USP12: variants seen among roughly 807,000 people sequenced by gnomAD.
USP12 encodes ubiquitin carboxyl-terminal hydrolase 12.
In USP12, 19 loss-of-function variants were observed where a neutral mutation model predicts 45.5. The observed-to-expected ratio is 0.42, with a 90% CI of 0.29 to 0.61. The LOEUF (loss-of-function observed/expected upper bound fraction) is 0.61, where lower values mean the gene tolerates loss of function less well. Among genes scored for constraint, USP12 ranks in the 20% least tolerant of loss-of-function variants. The probability of loss-of-function intolerance (pLI) is 0.22; values close to 1 mark genes in which losing one functional copy is unlikely to be tolerated. For missense variants in USP12, 242 were observed against 447.7 expected (o/e 0.54, Z 4.15); for synonymous variants, 149 against 148.8 (o/e 1.00, Z -0.01).
rs71083629 is a variant in USP12, at chr13:27,094,183, TA to T, written c.573+1417del. Reference sequence around the variant, plus strand: ...ACTGCCTACTAATTGCAAGGGGATTTAAAAAAAAAAAAAAAAGTCATCATAA... The same window carrying T: ...ACTGCCTACTAATTGCAAGGGGATTTAAAAAAAAAAAAAAAGTCATCATAA... On this transcript the variant is annotated intron_variant, in intron 4 of 8. Coordinates refer to ENST00000282344, the MANE Select transcript of USP12 (RefSeq NM_182488.4). Among the ~76,000 whole-genome samples the T allele has an allele frequency of 6.6e-3, 937 of 141,992 alleles. 7 individuals are homozygous for T. The highest frequency in any genetic ancestry group is 0.021 in the African/African-American group (823 of 38,416). 93.2% of individuals were successfully genotyped at this position (141,992 alleles called of 152,430 possible).
Position 27,076,029 on chromosome 13 carries a change from C to CAAAAAAAAAAAAAAAAAA in USP12, c.735-659_735-642dup, listed in dbSNP as rs11458818. Among the ~76,000 whole-genome samples, 396 of 97,872 alleles carry CAAAAAAAAAAAAAAAAAA rather than the reference C, an allele frequency of 4.0e-3. 8 individuals are homozygous for CAAAAAAAAAAAAAAAAAA. The highest frequency in any genetic ancestry group is 5.9e-3 in the Non-Finnish European group (289 of 49,218). 64.2% of individuals were successfully genotyped at this position (97,872 alleles called of 152,430 possible). A position where few individuals can be genotyped will look rare whatever the true frequency, so the allele number is the denominator to read the frequency against. On this transcript the variant is annotated intron_variant, in intron 6 of 8. Transcript: ENST00000282344. ...TGGGTGACAGAGCAAGGCTCCGTCT[C>CAAAAAAAAAAAAAAAAAA]AAAAAAAAAAAAAAAAAAGAGTGGT...
chr13:27,084,692 T>C (rs1046837251), intron 6 of USP12, among the ~76,000 whole-genome samples: 1 of 152,160 alleles, frequency 6.6e-6, no homozygotes, highest in African/African-American at 2.4e-5. Flanking sequence ...TTGATGAAGA[T>C]CAGTTGCCTG....
intron 3 of USP12, among the ~76,000 whole-genome samples, chr13:27,101,700 C>T (rs553854760): frequency 6.6e-6 from 1 of 152,316 alleles, no homozygotes; most frequent in East Asian, 1.9e-4. Context: ...ATGTTCTCCT[C>T]ATAATTCAGA....
chr13:27,069,476 G>A, intron 8 of USP12, 92 bp from the exon 9 acceptor site: 2 of 965,606 alleles, frequency 2.1e-6, no homozygotes, highest in South Asian at 2.8e-5. Flanking sequence ...CAAGTATTTG[G>A]TGAAAATGTG....
chr13:27,089,763 G>A, intron 6 of USP12, 120 bp downstream of exon 6: 2 of 875,960 alleles, frequency 2.3e-6, no homozygotes, highest in African/African-American at 1.7e-5. Flanking sequence ...TTAACTGTTA[G>A]TGATAGAATT....
At chr13:27,111,510 C>T (rs1163409988) in intron 2 of USP12, among the ~76,000 whole-genome samples, 2 of 152,124 alleles carry the variant, frequency 1.3e-5, no homozygotes, top group African/African-American at 2.4e-5. Context: ...CCACCCTACT[C>T]GAGGTCTTAT....
chr13:27,125,918 T>C lies in USP12; in HGVS notation c.49-9322A>G, dbSNP rs372096170. 2.6e-5 allele frequency among the ~76,000 whole-genome samples: 4 copies of C among 152,350 alleles called. No homozygotes were observed. The East Asian group carries it at 5.8e-4, about 22-fold the overall frequency. On this transcript the variant is annotated intron_variant, in intron 1 of 8. Coordinates refer to ENST00000282344, the MANE Select transcript of USP12 (RefSeq NM_182488.4). ...TGGCAGGGGGAGGGGCGTCCGCCATTGCTGAGGCTTGAGTAGGTGGTTCTG... is the reference window on the plus strand; with the variant it reads ...TGGCAGGGGGAGGGGCGTCCGCCATCGCTGAGGCTTGAGTAGGTGGTTCTG...
At chr13:27,125,935 G>A (rs1345891859) in intron 1 of USP12, among the ~76,000 whole-genome samples, 2 of 152,272 alleles carry the variant, frequency 1.3e-5, no homozygotes, top group Non-Finnish European at 2.9e-5. Flanking sequence ...GCTTGAGTAG[G>A]TGGTTCTGTG....
At chr13:27,169,011 T>C (rs1878468940) in intron 1 of USP12, 1 of 152,188 alleles carries the variant, frequency 6.6e-6, no homozygotes, top group Non-Finnish European at 1.5e-5. Context: ...CACAGCCACA[T>C]CATCCCTGCT....
chr13:27,116,831 T>G (rs1271533718), intron 1 of USP12, among the ~76,000 whole-genome samples: 1 of 152,166 alleles, frequency 6.6e-6, no homozygotes, highest in Non-Finnish European at 1.5e-5. Context: ...TACAGGAACA[T>G]GCTGTATAGG....
At chr13:27,171,533 C>T in intron 1 of USP12, 59 bp downstream of exon 1, 4 of 1,074,660 alleles carry the variant, frequency 3.7e-6, no homozygotes, top group South Asian at 2.0e-5. Flanking sequence ...GCGGGTCCAG[C>T]GCCGCCCGCC....
chr13:27,094,110 C>A (rs1364012379), intron 4 of USP12, among the ~76,000 whole-genome samples: 1 of 150,680 alleles, frequency 6.6e-6, no homozygotes, highest in African/African-American at 2.4e-5. Flanking sequence ...CATGCTAAAT[C>A]TTGGGTGAGA....
chr13:27,108,694 T>C (rs1875274283), intron 2 of USP12, among the ~76,000 whole-genome samples: 1 of 152,198 alleles, frequency 6.6e-6, no homozygotes, highest in Admixed American at 6.5e-5. Flanking sequence ...CAATGGCTCA[T>C]GCCTGTAATC....
At chr13:27,169,761 A>G (rs1438684169) in intron 1 of USP12, among the ~76,000 whole-genome samples, 7 of 152,210 alleles carry the variant, frequency 4.6e-5, no homozygotes, top group African/African-American at 9.7e-5. Context: ...GTTTACCTGA[A>G]TACTGTTTGT....
chr13:27,128,317 C>G (rs1324161034), intron 1 of USP12, among the ~76,000 whole-genome samples: 1 of 152,164 alleles, frequency 6.6e-6, no homozygotes, highest in African/African-American at 2.4e-5. Flanking sequence ...TCTGTCAAGC[C>G]TTCACATTTG....
chr13:27,136,112 A>G (rs969660482), intron 1 of USP12, among the ~76,000 whole-genome samples: 96 of 152,284 alleles, frequency 6.3e-4, no homozygotes, highest in African/African-American at 2.2e-3. Context: ...TGTTTAACCC[A>G]CTGCCTTCCT....
intron 3 of USP12, 78 bp from the exon 4 acceptor site, chr13:27,095,908 C>G: frequency 9.5e-7 from 1 of 1,056,330 alleles, no homozygotes; most frequent in Middle Eastern, 2.6e-4. Flanking sequence ...AAAAGAATAT[C>G]TAGTATTGGA....
In USP12 at chr13:27,071,087, T is replaced by A; in HGVS notation, c.995A>T (p.Asp332Val). Reference sequence around the variant, plus strand: ...ACTACTTACTTCTACAATGTCGTCATCAAACAACAACCAAAAATCATGACT... The same window carrying A: ...ACTACTTACTTCTACAATGTCGTCAACAAACAACAACCAAAAATCATGACT... ...VKSHDFWLLF[D>V]DDIVEKIDAQ... Residue 332 changes from aspartate to valine, a missense_variant, in exon 8 of 9, where the codon GAT (aspartate) becomes GTT (valine). Asp to Val is a radical substitution (Grantham distance 152, BLOSUM62 -3). Coordinates refer to ENST00000282344, the MANE Select transcript of USP12 (RefSeq NM_182488.4). 1 of 1,609,830 alleles carries A rather than the reference T, an allele frequency of 6.2e-7. No homozygotes were observed. Among genetic ancestry groups the A allele is most frequent in the Non-Finnish European group, 8.5e-7 (1 of 1,178,974 alleles).
chr13:27,074,381 C>T, intron 7 of USP12, among the ~76,000 whole-genome samples: 1 of 150,594 alleles, frequency 6.6e-6, no homozygotes, highest in Non-Finnish European at 1.5e-5. Context: ...GCCTGGGCCA[C>T]AGAGCAAGAC....
Sources: gnomAD v4.1 joint callset for allele counts (sites outside exome capture counted in the v4.1 genomes callset) on GRCh38, gnomAD v4.1.1 for gene constraint, MANE v1.5 for transcripts, NCBI Gene and HGNC (gene_info 2026-07-23, HGNC 2026-07-21) for gene names.